CNGB3: variants seen among roughly 807,000 people sequenced by gnomAD.
The protein encoded by CNGB3 is cyclic nucleotide gated channel subunit beta 3.
Under a neutral mutation model 92.8 loss-of-function variants are expected in CNGB3, and 86 were observed. That is an observed-to-expected ratio of 0.93 (90% CI 0.78 to 1.11). CNGB3 has a LOEUF of 1.11. CNGB3 is among the 50% of genes least tolerant of loss of function. The pLI, the probability that CNGB3 is intolerant of heterozygous loss-of-function variation, is 0.00. For missense variants in CNGB3, 1,026 were observed against 956.8 expected (o/e 1.07, Z -0.95); for synonymous variants, 333 against 332.7 (o/e 1.00, Z -0.01).
At chr8:86,710,840 G>A (rs541651718) in intron 3 of CNGB3, among the ~76,000 whole-genome samples, 60 of 152,180 alleles carry the variant, frequency 3.9e-4, no homozygotes, top group African/African-American at 1.4e-3. Context: ...TATAGTTTTG[G>A]TTCTTTCTTC....
At chr8:86,699,168 T>C (rs1471055031) in intron 3 of CNGB3, among the ~76,000 whole-genome samples, 3 of 152,212 alleles carry the variant, frequency 2.0e-5, no homozygotes, top group Non-Finnish European at 4.4e-5. Flanking sequence ...TCTGAAAGCA[T>C]GTTTTCAAGA....
Position 86,579,218 on chromosome 8 carries a change from CA to C in CNGB3, c.1815del (p.Ala606ProfsTer12), listed in dbSNP as rs1362472371. On this transcript the variant is annotated frameshift_variant, in exon 16 of 18. Coordinates refer to ENST00000320005, the MANE Select transcript of CNGB3 (RefSeq NM_019098.5). LOFTEE classifies it high-confidence loss of function. Reference protein sequence around the residue: ...LLAAGGGNRRTANVVAHGFAN... With the variant: ...LLAAGGGNRRXANVVAHGFAN... Reference sequence around the variant, plus strand: ...GCAAACCCGTGGGCCACCACATTGGCAGTTCGACGGTTTCCTCCTCCTGCTG... The same window carrying C: ...GCAAACCCGTGGGCCACCACATTGGCGTTCGACGGTTTCCTCCTCCTGCTG... The C allele has an allele frequency of 1.9e-6, 3 of 1,614,130 alleles. No homozygotes were observed. Among genetic ancestry groups the C allele is most frequent in the Non-Finnish European group, 2.5e-6 (3 of 1,180,010 alleles).
At chr8:86,670,726 C>T (rs949139378) in intron 4 of CNGB3, among the ~76,000 whole-genome samples, 2 of 152,104 alleles carry the variant, frequency 1.3e-5, no homozygotes, top group African/African-American at 4.8e-5. Context: ...GTGTGAGCCA[C>T]TGCACCCCGC....
chr8:86,681,075 C>A (rs751376069), intron 3 of CNGB3, among the ~76,000 whole-genome samples: 1 of 152,038 alleles, frequency 6.6e-6, no homozygotes, highest in African/African-American at 2.4e-5. Context: ...CACCAAATTA[C>A]CAAGCGATTG....
chr8:86,587,120 C>T (rs1168629269), intron 15 of CNGB3, among the ~76,000 whole-genome samples: 5 of 140,164 alleles, frequency 3.6e-5, no homozygotes, highest in African/African-American at 8.0e-5. Flanking sequence ...TGTTTTTTGG[C>T]TGCATAAATG....
At chr8:86,590,390 A>C (rs1355542474) in intron 15 of CNGB3, among the ~76,000 whole-genome samples, 1 of 152,018 alleles carries the variant, frequency 6.6e-6, no homozygotes, top group Admixed American at 6.6e-5. Context: ...TTATGATGTT[A>C]GCTGGTTATT....
intron 6 of CNGB3, among the ~76,000 whole-genome samples, chr8:86,655,034 C>T (rs1823476180): frequency 6.6e-6 from 1 of 152,178 alleles, no homozygotes; most frequent in Non-Finnish European, 1.5e-5. Flanking sequence ...ATTCTTCATT[C>T]TCCTTGAGCC....
intron 3 of CNGB3, chr8:86,708,010 A>T (rs1563762099): frequency 6.6e-6 from 1 of 152,186 alleles, no homozygotes; most frequent in Non-Finnish European, 1.5e-5. Context: ...GGAAATTAAG[A>T]GTTGGTTTTG....
chr8:86,659,454 T>A, intron 6 of CNGB3: 2 of 626,698 alleles, frequency 3.2e-6, no homozygotes, highest in South Asian at 1.8e-5. Context: ...GACTTCTCTG[T>A]CACTAGGACT....
intron 7 of CNGB3, 96 bp downstream of exon 7, chr8:86,653,916 T>C (rs1239215380): frequency 1.2e-6 from 1 of 851,536 alleles, no homozygotes; most frequent in East Asian, 2.4e-5. Flanking sequence ...TAAAACTTCG[T>C]ATGTACAAAC....
intron 6 of CNGB3, among the ~76,000 whole-genome samples, chr8:86,663,749 C>A (rs575086319): frequency 2.5e-4 from 38 of 152,294 alleles, no homozygotes; most frequent in African/African-American, 8.7e-4. Flanking sequence ...TCAAAGGCTG[C>A]AGCTACTTAC....
rs1821985810 is a variant in CNGB3, at chr8:86,589,796, TG to T, written c.1782-10545del. On this transcript the variant is annotated intron_variant, in intron 15 of 17. Transcript: ENST00000320005. ...TTTTGGAATAGGTGTGGTGTGGTGC[TG>T]AAAAAAATGTATATTCTGTTGATTT... Among the ~76,000 whole-genome samples, 9 of 152,080 alleles carry T rather than the reference TG, an allele frequency of 5.9e-5. No individual in the cohort carries two copies. In the South Asian group the frequency reaches 1.5e-3, roughly 25 times the overall value.
At chr8:86,723,064 A>G (rs192540283) in intron 3 of CNGB3, among the ~76,000 whole-genome samples, 183 of 152,168 alleles carry the variant, frequency 1.2e-3, no homozygotes, top group South Asian at 6.4e-3. Context: ...CTATGTCTCT[A>G]TTCCTCTTGG....
At chr8:86,716,391 A>C (rs1216129911) in intron 3 of CNGB3, among the ~76,000 whole-genome samples, 1 of 152,238 alleles carries the variant, frequency 6.6e-6, no homozygotes, top group Non-Finnish European at 1.5e-5. Flanking sequence ...GAAATTCATC[A>C]CAAAAATATC....
chr8:86,611,677 T>A lies in CNGB3; in HGVS notation c.1579-6A>T, dbSNP rs1411176545. ...ATCATCTGTGTATCACAACCCTATA[T>A]AAAAAGAAAAATAATTCTTATAGAA... On this transcript the variant is annotated splice_region_variant and splice_polypyrimidine_tract_variant and intron_variant, in intron 13 of 17. Coordinates refer to ENST00000320005, the MANE Select transcript of CNGB3 (RefSeq NM_019098.5). 1 of 1,597,266 alleles carries A rather than the reference T, an allele frequency of 6.3e-7. No homozygotes were observed. Among genetic ancestry groups the A allele is most frequent in the Admixed American group, 1.7e-5 (1 of 59,912 alleles).
chr8:86,584,693 G>A (rs1388346757), intron 15 of CNGB3, among the ~76,000 whole-genome samples: 2 of 152,070 alleles, frequency 1.3e-5, no homozygotes, highest in African/African-American at 4.8e-5. Flanking sequence ...AGCCCATGCT[G>A]GAGTACAAAG....
At chr8:86,689,601 G>A (rs956491557) in intron 3 of CNGB3, among the ~76,000 whole-genome samples, 1 of 150,540 alleles carries the variant, frequency 6.6e-6, no homozygotes, top group South Asian at 2.1e-4. Context: ...TAGGGTACAT[G>A]TGCACAACGT....
At chr8:86,687,134 G>A (rs980628529) in intron 3 of CNGB3, among the ~76,000 whole-genome samples, 1 of 151,978 alleles carries the variant, frequency 6.6e-6, no homozygotes, top group Non-Finnish European at 1.5e-5. Context: ...GACAATAAGT[G>A]TTGGTGAGTT....
chr8:86,614,686 C>A (rs563906795), intron 13 of CNGB3, among the ~76,000 whole-genome samples: 3 of 152,230 alleles, frequency 2.0e-5, no homozygotes, highest in Admixed American at 1.3e-4. Flanking sequence ...GGACACGGGT[C>A]AGACGAAAGC....
Sources: gnomAD v4.1 joint callset for allele counts (sites outside exome capture counted in the v4.1 genomes callset) on GRCh38, gnomAD v4.1.1 for gene constraint, MANE v1.5 for transcripts, NCBI Gene and HGNC (gene_info 2026-07-23, HGNC 2026-07-21) for gene names.